Variants in BRAT1 observed in about 807,000 individuals in gnomAD.
BRAT1 encodes integrator complex assembly factor BRAT1.
Under a neutral mutation model 70.6 loss-of-function variants are expected in BRAT1, and 74 were observed. The ratio of observed to expected loss-of-function variants is 1.05; its 90% confidence interval spans 0.87 to 1.27. The LOEUF (loss-of-function observed/expected upper bound fraction) is 1.27, where lower values mean the gene tolerates loss of function less well. Ranked by LOEUF, BRAT1 falls within the 50% of genes most tolerant of loss-of-function variation. The pLI is 0.00. For missense variants in BRAT1, 1,203 were observed against 1,098.2 expected, an observed-to-expected ratio of 1.10 and a Z score of -1.35; for synonymous variants, 615 against 517.1, an observed-to-expected ratio of 1.19 and a Z score of -2.57.
Position 2,539,346 on chromosome 7 carries a change from C to T in BRAT1, c.1603G>A (p.Ala535Thr). The T allele has an allele frequency of 6.2e-7, 1 of 1,606,718 alleles. No individual in the cohort carries two copies. Among genetic ancestry groups the T allele is most frequent in the Non-Finnish European group, 8.5e-7 (1 of 1,175,932 alleles). The change falls in exon 13 of 14, where the codon GCT (alanine) becomes ACT (threonine). Residue 535 changes from alanine to threonine, a missense_variant. Ala to Thr is a moderately conservative substitution (Grantham distance 58, BLOSUM62 0). Coordinates refer to ENST00000340611, the MANE Select transcript of BRAT1 (RefSeq NM_152743.4). ...GCCAAGAGTGCGCATCTGAAGTCAG[C>T]CTGTCCTGGGGGTCGAAACGGCCAC... The part of the protein sequence containing the change: ...TQLSRHWGGQ[A>T]DFRCALLASE...
Position 2,550,989 on chromosome 7 carries a change from C to T in BRAT1, c.127+3316G>A, listed in dbSNP as rs184422576. On this transcript the variant is annotated intron_variant, in intron 2 of 13. Coordinates refer to ENST00000340611, the MANE Select transcript of BRAT1 (RefSeq NM_152743.4). ...GTGCAGTGGCTCTCCACTGTAACCC[C>T]AGCACTTTGGGAGGCCAAGGTGGAG... Among the ~76,000 whole-genome samples, 75 of 152,226 alleles carry T rather than the reference C, an allele frequency of 4.9e-4. 1 individual carries two copies. The highest frequency in any genetic ancestry group is 1.6e-3 in the African/African-American group (67 of 41,530).
chr7:2,543,407 G>C lies in BRAT1; in HGVS notation c.804-84C>G, dbSNP rs1014093234. The C allele has an allele frequency of 1.3e-6, 2 of 1,497,704 alleles. No homozygotes were observed. Among genetic ancestry groups the C allele is most frequent in the Admixed American group, 4.4e-5 (2 of 45,546 alleles). 92.8% of individuals were successfully genotyped at this position (1,497,704 alleles called of 1,614,324 possible). A position where few individuals can be genotyped will look rare whatever the true frequency, so the allele number is the denominator to read the frequency against. ...CCTGGCTGAGACTGCCATGGCTCCGGCACTGGAGGCGCCCAGCCCAAGACA... is the reference window on the plus strand; with the variant it reads ...CCTGGCTGAGACTGCCATGGCTCCGCCACTGGAGGCGCCCAGCCCAAGACA... On this transcript the variant is annotated intron_variant, in intron 5 of 13. Transcript: ENST00000340611. This position sits in a 1 kb window ranked among gnomAD's most constrained non-coding sequence, Gnocchi z 5.5.
chr7:2,547,492 C>T lies in BRAT1; in HGVS notation c.128-14G>A. On this transcript the variant is annotated splice_polypyrimidine_tract_variant and intron_variant, in intron 2 of 13. Coordinates refer to ENST00000340611, the MANE Select transcript of BRAT1 (RefSeq NM_152743.4). The stretch of plus-strand genomic sequence containing the variant: ...CGACACTGGACTCTGTGGGGATGGC[C>T]CAGCCCAGGGGTCACCAGGGGTACG... 1 of 1,613,242 alleles carries T rather than the reference C, an allele frequency of 6.2e-7. No individual in the cohort carries two copies. The highest frequency in any genetic ancestry group is 8.5e-7 in the Non-Finnish European group (1 of 1,179,736).
At position 2,541,845 on chromosome 7, in the gene BRAT1, C is replaced by G. The variant is rs921312164; in HGVS notation, c.1016-9G>C. 6 of 1,611,786 alleles carry G rather than the reference C, an allele frequency of 3.7e-6. No individual in the cohort carries two copies. Among genetic ancestry groups the G allele is most frequent in the African/African-American group, 1.3e-5 (1 of 74,770 alleles). ...CGTCCCGTCCAGCAAGCCTGGGGGC[C>G]AAGCCAGGAAGAGCTCCCTTAGAGA... On this transcript the variant is annotated splice_polypyrimidine_tract_variant and intron_variant, in intron 7 of 13. Coordinates refer to ENST00000340611, the MANE Select transcript of BRAT1 (RefSeq NM_152743.4).
rs148920188 is a variant in BRAT1, at chr7:2,553,435, T to C, written c.127+870A>G. ...CCTACAGCAAATAACATGTAGTCAATAACATTAACATATTATGTGGAGAAA... is the reference window on the plus strand; with the variant it reads ...CCTACAGCAAATAACATGTAGTCAACAACATTAACATATTATGTGGAGAAA... On this transcript the variant is annotated intron_variant, in intron 2 of 13. Transcript: ENST00000340611. Among the ~76,000 whole-genome samples, 64 of 152,270 alleles carry C rather than the reference T, an allele frequency of 4.2e-4. No homozygotes were observed. In the East Asian group the frequency reaches 0.011, roughly 26 times the overall value.
Position 2,539,806 on chromosome 7 carries a change from AG to A in BRAT1, c.1477del (p.Leu493SerfsTer24). On this transcript the variant is annotated frameshift_variant, in exon 11 of 14. Transcript: ENST00000340611. LOFTEE classifies it high-confidence loss of function. Reference protein sequence around the residue: ...KTPGCSDLGPLIPQFLRELFP... With the variant: ...KTPGCSDLGPXIPQFLRELFP... ...GTTACCTCTGAGGAACTGCGGGATG[AG>A]GGGGCCGAGATCAGAGCAGCCGGGG... The A allele has an allele frequency of 6.2e-7, 1 of 1,611,792 alleles. No homozygotes were observed. Among genetic ancestry groups the A allele is most frequent in the Non-Finnish European group, 8.5e-7 (1 of 1,179,124 alleles).
intron 2 of BRAT1, among the ~76,000 whole-genome samples, chr7:2,548,214 C>A (rs1265943704): frequency 6.6e-6 from 1 of 152,118 alleles, no homozygotes; most frequent in Non-Finnish European, 1.5e-5. Flanking sequence ...GAACTGGCAT[C>A]CTGTATTTCT....
At position 2,538,374 on chromosome 7, in the gene BRAT1, C is replaced by G. The variant is rs1439628972; in HGVS notation, c.2161G>C (p.Asp721His). The G allele has an allele frequency of 1.2e-6, 2 of 1,613,520 alleles. No individual in the cohort carries two copies. Among genetic ancestry groups the G allele is most frequent in the Non-Finnish European group, 1.7e-6 (2 of 1,179,930 alleles). The change falls in exon 14 of 14, where the codon GAC becomes CAC. Residue 721 changes from aspartate to histidine, a missense_variant. Asp to His is a moderately conservative substitution (Grantham distance 81, BLOSUM62 -1). Transcript: ENST00000340611. ...CDRPVAQKSC[D>H]LLLFLRDKIA... ...TTGTCCCTCAGGAAGAGAAGGAGGT[C>G]ACAAGACTTCTGCGCCACAGGGCGG...
In BRAT1 at chr7:2,539,236, C is replaced by G. The variant is rs1421594980; in HGVS notation, c.1713G>C (p.Gln571His). 4 of 1,611,046 alleles carry G rather than the reference C, an allele frequency of 2.5e-6. No individual in the cohort carries two copies. Among genetic ancestry groups the G allele is most frequent in the African/African-American group, 2.7e-5 (2 of 74,876 alleles). ...VRASAVTAMG[Q>H]LSSQGLHAPT... ...GGGCGTGCAGGCCCTGGCTGGACAG[C>G]TGCCCCATGGCGGTCACTGCACTCG... The change falls in exon 13 of 14, where the codon CAG becomes CAC. Residue 571 changes from glutamine (Q) to histidine (H), a missense_variant. Coordinates refer to ENST00000340611, the MANE Select transcript of BRAT1 (RefSeq NM_152743.4).
At chr7:2,546,457 G>A (rs1779614381) in intron 3 of BRAT1, among the ~76,000 whole-genome samples, 2 of 151,394 alleles carry the variant, frequency 1.3e-5, no homozygotes, top group Admixed American at 1.3e-4. Flanking sequence ...AAAAAGGCCG[G>A]GTATGGTGGC....
At chr7:2,539,741 C>G (rs368323897) in intron 11 of BRAT1, 45 bp downstream of exon 11, 74 of 1,568,366 alleles carry the variant, frequency 4.7e-5, no homozygotes, top group Non-Finnish European at 6.1e-5. Context: ...CTGCCTCCAC[C>G]CCTGCGACTC....
chr7:2,541,556 C>T lies in BRAT1; in HGVS notation c.1135-72G>A, dbSNP rs112257671. ...CGTGGATGCAGGGGTGCTGGGACTT[C>T]GAGGCATGTGGGGCGGGGGACATCA... is the stretch of plus-strand genomic sequence containing the variant. On this transcript the variant is annotated intron_variant, in intron 8 of 13. Transcript: ENST00000340611. 6,273 of 1,481,874 alleles carry T rather than the reference C, an allele frequency of 4.2e-3. 243 individuals are homozygous for T. In the African/African-American group the frequency reaches 0.077, roughly 18 times the overall value. 91.8% of individuals were successfully genotyped at this position (1,481,874 alleles called of 1,614,324 possible). A position where few individuals can be genotyped will look rare whatever the true frequency, so the allele number is the denominator to read the frequency against.
intron 2 of BRAT1, 46 bp downstream of exon 2, chr7:2,554,259 C>T (rs1162423559): frequency 2.5e-6 from 4 of 1,603,784 alleles, no homozygotes; most frequent in South Asian, 1.1e-5. Flanking sequence ...CCAGCCTCTG[C>T]GTCTGGTCTC....
At chr7:2,541,671 G>A (rs775743359) in intron 8 of BRAT1, 47 bp downstream of exon 8, 7 of 1,556,788 alleles carry the variant, frequency 4.5e-6, no homozygotes, top group Admixed American at 1.9e-5. Context: ...CGGTCCCACC[G>A]CCAGCGTGGA....
At position 2,538,742 on chromosome 7, in the gene BRAT1, T is replaced by C. The variant is rs1583291242; in HGVS notation, c.1793A>G (p.His598Arg). ...GCCCTCCGAGTCTACGGAGAGGATG[T>C]GCAGGAGCTCCAGGAACAGGCTCTG... is the stretch of plus-strand genomic sequence containing the variant. ...ARQSLFLELLHILSVDSEGFP... is the reference protein window; with the variant it reads ...ARQSLFLELLRILSVDSEGFP... The change falls in exon 14 of 14, where the codon CAC becomes CGC. Residue 598 changes from histidine to arginine, a missense_variant. His to Arg is a conservative substitution (Grantham distance 29). Coordinates refer to ENST00000340611, the MANE Select transcript of BRAT1 (RefSeq NM_152743.4). 6.3e-7 allele frequency: 1 copy of C among 1,598,250 alleles called. No homozygotes were observed. Among genetic ancestry groups the C allele is most frequent in the African/African-American group, 1.3e-5 (1 of 74,934 alleles).
chr7:2,550,478 A>C (rs1450288223), intron 2 of BRAT1, among the ~76,000 whole-genome samples: 1 of 142,806 alleles, frequency 7.0e-6, no homozygotes, highest in East Asian at 2.0e-4. Flanking sequence ...AAAAAAAAAA[A>C]AACAAAAAAA....
intron 7 of BRAT1, 71 bp from the exon 8 acceptor site, chr7:2,541,907 G>A (rs978896880): frequency 1.5e-5 from 22 of 1,510,574 alleles, no homozygotes; most frequent in South Asian, 4.7e-5. Flanking sequence ...GCCACCCCAC[G>A]GTCACCACCC....
intron 2 of BRAT1, among the ~76,000 whole-genome samples, chr7:2,547,945 G>A (rs1395364538): frequency 1.3e-5 from 2 of 152,120 alleles, no homozygotes; most frequent in African/African-American, 4.8e-5. Context: ...TTAGCCAGGT[G>A]TGGTGGCTCA....
chr7:2,541,745 C>T lies in BRAT1; in HGVS notation c.1107G>A (p.Leu369=), dbSNP rs372833320. Residue 369 remains leucine (L), a synonymous_variant, in exon 8 of 14, where the codon CTG becomes CTA. Transcript: ENST00000340611. ...SSCAGLLCRT[L]AHLEELQPLP... ...GCGGCTGCAGCTCCTCCAGGTGAGC[C>T]AGGGTGCGGCACAGGAGGCCGGCGC... 7.4e-6 allele frequency: 12 copies of T among 1,610,818 alleles called. No homozygotes were observed. Among genetic ancestry groups the T allele is most frequent in the African/African-American group, 2.7e-5 (2 of 74,894 alleles).
Sources: gnomAD v4.1 joint callset for allele counts (sites outside exome capture counted in the v4.1 genomes callset) on GRCh38, gnomAD v4.1.1 for gene constraint, Gnocchi (gnomAD v3.1) non-coding constraint, MANE v1.5 for transcripts, NCBI Gene and HGNC (gene_info 2026-07-23, HGNC 2026-07-21) for gene names.